Variants in PPM1L observed in about 807,000 individuals in gnomAD.
PPM1L encodes protein phosphatase 1L.
PPM1L carries 13 observed loss-of-function variants against 31.4 expected under a neutral mutation model. The observed-to-expected ratio is 0.41, with a 90% CI of 0.27 to 0.66. The LOEUF is 0.66. Among genes scored for constraint, PPM1L ranks in the 30% least tolerant of loss-of-function variants. The pLI, the probability that PPM1L is intolerant of heterozygous loss-of-function variation, is 0.29. For missense variants in PPM1L, 326 were observed against 453.7 expected (o/e 0.72, Z 2.56); for synonymous variants, 184 against 175.4 (o/e 1.05, Z -0.39).
At chr3:160,812,325 CTG>C (rs1712838398) in intron 1 of PPM1L, among the ~76,000 whole-genome samples, 2 of 152,272 alleles carry the variant, frequency 1.3e-5, no homozygotes. Flanking sequence ...TAAGTTGTCA[CTG>C]TGATTTCCAA....
intron 1 of PPM1L, among the ~76,000 whole-genome samples, chr3:160,803,160 A>G (rs1287433660): frequency 1.3e-5 from 2 of 152,250 alleles, no homozygotes; most frequent in Admixed American, 6.5e-5. Context: ...ATAAACCAGG[A>G]GCAGTAGAAA....
intron 2 of PPM1L, among the ~76,000 whole-genome samples, chr3:161,029,168 A>G (rs1179231748): frequency 6.6e-6 from 1 of 152,234 alleles, no homozygotes; most frequent in Admixed American, 6.5e-5. Context: ...AGTCTCACAC[A>G]TAAGGAAACA....
chr3:160,932,940 G>GGTAGT (rs1714835155), intron 1 of PPM1L, among the ~76,000 whole-genome samples: 2 of 152,152 alleles, frequency 1.3e-5, no homozygotes, highest in Non-Finnish European at 2.9e-5. Flanking sequence ...CACACTGCCA[G>GGTAGT]GTGTTATGGT....
intron 1 of PPM1L, among the ~76,000 whole-genome samples, chr3:160,794,448 A>C (rs1712187277): frequency 6.6e-6 from 1 of 152,202 alleles, no homozygotes; most frequent in Non-Finnish European, 1.5e-5. Flanking sequence ...AATTTTAGGC[A>C]AGAATATTCA....
chr3:161,016,269 A>G (rs1053219991), intron 2 of PPM1L, among the ~76,000 whole-genome samples: 3 of 152,236 alleles, frequency 2.0e-5, no homozygotes, highest in African/African-American at 7.2e-5. Context: ...TATGATCTCC[A>G]TCTACATCAA....
At chr3:160,833,857 G>A (rs2108099276) in intron 1 of PPM1L, among the ~76,000 whole-genome samples, 1 of 151,798 alleles carries the variant, frequency 6.6e-6, no homozygotes, top group Admixed American at 6.6e-5. Flanking sequence ...CTATGCCTAT[G>A]TCCTGAATGG....
chr3:160,834,742 T>C (rs1713644836), intron 1 of PPM1L, among the ~76,000 whole-genome samples: 1 of 152,184 alleles, frequency 6.6e-6, no homozygotes. Context: ...TCCATGTAAG[T>C]TTTCTCATGT....
rs1051745004 is a variant in PPM1L, at chr3:160,787,738, C to T, written c.399+31031C>T. ...AGGGTTTTTATAGTTTTAGGTTTTA[C>T]ATTTAAGTCCTTAATCTATCTTAAG... On this transcript the variant is annotated intron_variant, in intron 1 of 3. Transcript: ENST00000498165. 5.9e-5 allele frequency among the ~76,000 whole-genome samples: 9 copies of T among 152,278 alleles called. No homozygotes were observed. In the East Asian group the frequency reaches 1.5e-3, roughly 26 times the overall value.
intron 1 of PPM1L, among the ~76,000 whole-genome samples, chr3:160,871,244 A>G (rs1712293112): frequency 6.6e-6 from 1 of 152,206 alleles, no homozygotes; most frequent in Non-Finnish European, 1.5e-5. Flanking sequence ...GTGAGAAGAG[A>G]AGGTAGTTTG....
chr3:160,894,729 C>T (rs1037357151), intron 1 of PPM1L, among the ~76,000 whole-genome samples: 2 of 152,184 alleles, frequency 1.3e-5, no homozygotes, highest in African/African-American at 4.8e-5. Flanking sequence ...AATCACAAAA[C>T]ATGCTTGTTT....
chr3:160,852,354 A>T (rs1711554261), intron 1 of PPM1L, among the ~76,000 whole-genome samples: 1 of 152,234 alleles, frequency 6.6e-6, no homozygotes, highest in Non-Finnish European at 1.5e-5. Flanking sequence ...GCAATTAAGG[A>T]AAATATTTAT....
intron 1 of PPM1L, among the ~76,000 whole-genome samples, chr3:160,865,739 C>A (rs1224430586): frequency 3.3e-5 from 5 of 152,208 alleles, no homozygotes; most frequent in Non-Finnish European, 7.3e-5. Flanking sequence ...CATGCCACTG[C>A]ACTCTAACCA....
At chr3:161,067,793 A>T (rs1475476843) in intron 3 of PPM1L, among the ~76,000 whole-genome samples, 1 of 152,170 alleles carries the variant, frequency 6.6e-6, no homozygotes, top group Non-Finnish European at 1.5e-5. Flanking sequence ...TCCTGCCCAT[A>T]GATGTTTCAC....
intron 1 of PPM1L, among the ~76,000 whole-genome samples, chr3:160,787,757 T>G (rs553208422): frequency 6.6e-6 from 1 of 152,230 alleles, no homozygotes; most frequent in Non-Finnish European, 1.5e-5. Flanking sequence ...CCTTAATCTA[T>G]CTTAAGTTGA....
chr3:160,885,907 G>GGCA (rs1208399403), intron 1 of PPM1L, among the ~76,000 whole-genome samples: 2 of 152,178 alleles, frequency 1.3e-5, no homozygotes, highest in African/African-American at 4.8e-5. Flanking sequence ...TTGGGGGAGG[G>GGCA]GCAGCAGCCA....
At chr3:160,873,706 C>G (rs1712400443) in intron 1 of PPM1L, among the ~76,000 whole-genome samples, 1 of 152,006 alleles carries the variant, frequency 6.6e-6, no homozygotes, top group South Asian at 2.1e-4. Flanking sequence ...TGCCACCAAG[C>G]CTGGCTAATT....
At chr3:160,910,942 C>G (rs1560148231) in intron 1 of PPM1L, among the ~76,000 whole-genome samples, 1 of 152,126 alleles carries the variant, frequency 6.6e-6, no homozygotes, top group African/African-American at 2.4e-5. Context: ...TGAAGTTTGA[C>G]CTTATCTTAT....
intron 1 of PPM1L, among the ~76,000 whole-genome samples, chr3:160,766,491 G>A (rs1715104331): frequency 6.6e-6 from 1 of 152,004 alleles, no homozygotes; most frequent in African/African-American, 2.4e-5. Flanking sequence ...TTTATAAGGG[G>A]CTTTTCCCCT....
At chr3:160,846,332 C>T (rs1247999456) in intron 1 of PPM1L, among the ~76,000 whole-genome samples, 2 of 152,034 alleles carry the variant, frequency 1.3e-5, no homozygotes, top group South Asian at 2.1e-4. Context: ...GTTTTGTTGC[C>T]TCTTTGCAGT....
Sources: allele counts gnomAD v4.1 joint callset (sites outside exome capture counted in the v4.1 genomes callset), GRCh38; gene constraint gnomAD v4.1.1; transcripts MANE v1.5; gene names NCBI Gene and HGNC (gene_info 2026-07-23, HGNC 2026-07-21).